The following ZNF30 variants were observed in gnomAD, a reference collection of about 807,000 sequenced individuals.
ZNF30 encodes zinc finger protein 30 (KOX 28).
ZNF30 carries 15 observed loss-of-function variants against 13.2 expected under a neutral mutation model. The observed-to-expected ratio is 1.13, with a 90% CI of 0.76 to 1.75. ZNF30 has a LOEUF of 1.75. ZNF30 is among the 40% of genes most tolerant of loss of function. The pLI, the probability that ZNF30 is intolerant of heterozygous loss-of-function variation, is 0.00. For missense variants in ZNF30, 726 were observed against 757.0 expected (o/e 0.96, Z 0.48); for synonymous variants, 223 against 256.6 (o/e 0.87, Z 1.25).
At chr19:34,925,404 G>A (rs941638165), upstream of ZNF30, among the ~76,000 whole-genome samples, 11 of 152,214 alleles carry the variant, frequency 7.2e-5, no homozygotes, top group Non-Finnish European at 1.5e-4. Context: ...GTTTTCCCCT[G>A]GAATCGGGCT....
chr19:34,943,296 A>G lies in ZNF30; in HGVS notation c.330A>G (p.Leu110=), dbSNP rs556020472. The G allele has an allele frequency of 4.3e-6, 7 of 1,613,898 alleles. 1 individual carries two copies. The South Asian group carries it at 7.7e-5, about 18-fold the overall frequency. ...CTGAAAACTGTCCATCTTTTGCTCTACATCAGAAAATAAGTAGACAGAAAC... is the reference window on the plus strand; with the variant it reads ...CTGAAAACTGTCCATCTTTTGCTCTGCATCAGAAAATAAGTAGACAGAAAC... ...PTSENCPSFA[L]HQKISRQKPR... Residue 110 remains leucine, a synonymous_variant, in exon 5 of 5, where the codon CTA becomes CTG. Coordinates refer to ENST00000601142, the MANE Select transcript of ZNF30 (RefSeq NM_194325.3).
intron 1 of ZNF30, among the ~76,000 whole-genome samples, chr19:34,927,631 T>C (rs2012147194): frequency 6.6e-6 from 1 of 152,070 alleles, no homozygotes; most frequent in Non-Finnish European, 1.5e-5. Flanking sequence ...AATGACAAAA[T>C]TATGTAAGAA....
Position 34,943,224 on chromosome 19 carries a change from T to G in ZNF30, c.258T>G (p.Asp86Glu). 1 of 1,492,092 alleles carries G rather than the reference T, an allele frequency of 6.7e-7. No individual in the cohort carries two copies. Among genetic ancestry groups the G allele is most frequent in the South Asian group, 1.4e-5 (1 of 69,820 alleles). The allele number at this position is 1,492,092 out of a possible 1,614,324, so 92.4% of individuals were successfully genotyped here. ...GATATTTTTAAAATTTTCTTTCAGA[T>G]TTGCAGTTGGAAGATGATACAATCG... ...VRKDGRRWCT[D>E]LQLEDDTIGC... is the part of the protein sequence containing the mutation. The change falls in exon 5 of 5, where the codon GAT becomes GAG. Residue 86 changes from aspartate to glutamate, a missense_variant and splice_region_variant. Physicochemically the swap from Asp to Glu is conservative, Grantham distance 45. Transcript: ENST00000601142.
chr19:34,929,096 C>T (rs1321258871), intron 1 of ZNF30, among the ~76,000 whole-genome samples: 1 of 152,164 alleles, frequency 6.6e-6, no homozygotes, highest in African/African-American at 2.4e-5. Flanking sequence ...TCCTGGCCAA[C>T]ATGGTGAAAT....
chr19:34,936,340 A>C (rs552778369), intron 4 of ZNF30, among the ~76,000 whole-genome samples: 2 of 152,306 alleles, frequency 1.3e-5, no homozygotes, highest in South Asian at 4.1e-4. Flanking sequence ...TAAAACCCAC[A>C]ACATGTTGGT....
intron 4 of ZNF30, among the ~76,000 whole-genome samples, chr19:34,935,280 T>A: frequency 6.6e-6 from 1 of 152,132 alleles, no homozygotes; most frequent in East Asian, 1.9e-4. Context: ...ACGTCAGGCT[T>A]ACAAAAAAGT....
chr19:34,936,015 A>G (rs911460423), intron 4 of ZNF30, among the ~76,000 whole-genome samples: 13 of 152,252 alleles, frequency 8.5e-5, no homozygotes, highest in African/African-American at 2.4e-4. Flanking sequence ...AACAGATCTC[A>G]TGAGACTTAT....
intron 4 of ZNF30, among the ~76,000 whole-genome samples, chr19:34,939,123 TCCCC>T (rs2012892737): frequency 1.2e-5 from 1 of 80,046 alleles, no homozygotes; most frequent in East Asian, 3.3e-4. Flanking sequence ...GTGTCTTGTC[TCCCC>T]TCCCCTCCCC....
intron 1 of ZNF30, among the ~76,000 whole-genome samples, chr19:34,928,375 G>A (rs1208510731): frequency 1.3e-5 from 2 of 151,214 alleles, no homozygotes; most frequent in East Asian, 1.9e-4. Flanking sequence ...CCCCTTAATC[G>A]GCAGTTTCAC....
At chr19:34,937,986 G>A (rs942213969) in intron 4 of ZNF30, among the ~76,000 whole-genome samples, 1 of 152,048 alleles carries the variant, frequency 6.6e-6, no homozygotes, top group East Asian at 1.9e-4. Flanking sequence ...AGTAGAGGTG[G>A]GGTTTCATCA....
intron 4 of ZNF30, among the ~76,000 whole-genome samples, chr19:34,935,369 C>A (rs1301556676): frequency 1.3e-5 from 2 of 152,134 alleles, no homozygotes; most frequent in Non-Finnish European, 2.9e-5. Flanking sequence ...TTCTACCTTC[C>A]CTTAAGGCTT....
rs2013178372 is a variant in ZNF30, at chr19:34,943,799, A to G, written c.833A>G (p.His278Arg). Residue 278 changes from histidine (H) to arginine (R), a missense_variant, in exon 5 of 5, where the codon CAT becomes CGT. Physicochemically the swap from His to Arg is conservative, Grantham distance 29. Coordinates refer to ENST00000601142, the MANE Select transcript of ZNF30 (RefSeq NM_194325.3). ...AGTACCTTTTCATACCTGGTTCAAC[A>G]TCAGCGAATTCATACCAGTGAAAAA... ...AFSTFSYLVQ[H>R]QRIHTSEKPY... 6.2e-7 allele frequency: 1 copy of G among 1,614,062 alleles called. No homozygotes were observed. The highest frequency in any genetic ancestry group is 8.5e-7 in the Non-Finnish European group (1 of 1,179,968).
At chr19:34,930,217 T>G (rs2012375184) in intron 2 of ZNF30, among the ~76,000 whole-genome samples, 1 of 152,188 alleles carries the variant, frequency 6.6e-6, no homozygotes, top group African/African-American at 2.4e-5. Context: ...CAGTGGAGGA[T>G]TGAAGTCCCG....
intron 4 of ZNF30, among the ~76,000 whole-genome samples, chr19:34,941,303 T>C (rs530173467): frequency 4.1e-4 from 63 of 152,326 alleles, no homozygotes; most frequent in Admixed American, 9.1e-4. Flanking sequence ...CTCACTCTGT[T>C]GCCCAGGCTG....
At chr19:34,931,184 C>T (rs1344056247) in intron 2 of ZNF30, among the ~76,000 whole-genome samples, 1 of 151,894 alleles carries the variant, frequency 6.6e-6, no homozygotes. Context: ...ATTACAGGCA[C>T]ATGCCACAAC....
At chr19:34,931,071 T>C (rs1305509339) in intron 2 of ZNF30, among the ~76,000 whole-genome samples, 3 of 146,576 alleles carry the variant, frequency 2.0e-5, no homozygotes, top group Non-Finnish European at 3.0e-5. Flanking sequence ...TGAGTCTCGC[T>C]CTGTCACCCA....
chr19:34,932,965 G>A (rs764027617), intron 3 of ZNF30, among the ~76,000 whole-genome samples: 9 of 151,424 alleles, frequency 5.9e-5, no homozygotes, highest in Non-Finnish European at 1.2e-4. Context: ...ATTTTTGATA[G>A]AAACAGGGTT....
chr19:34,933,836 C>A, intron 4 of ZNF30, 113 bp downstream of exon 4: 1 of 661,722 alleles, frequency 1.5e-6, no homozygotes, highest in South Asian at 2.0e-5. Context: ...GCCCTAGGGC[C>A]TGGGTGGAAA....
At chr19:34,940,465 C>T (rs534003851) in intron 4 of ZNF30, among the ~76,000 whole-genome samples, 11 of 152,086 alleles carry the variant, frequency 7.2e-5, no homozygotes, top group African/African-American at 2.7e-4. Flanking sequence ...GTGAGGAGTT[C>T]GACACCAGCC....
Sources: gnomAD v4.1 joint callset for allele counts (sites outside exome capture counted in the v4.1 genomes callset) on GRCh38, gnomAD v4.1.1 for gene constraint, MANE v1.5 for transcripts, NCBI Gene and HGNC (gene_info 2026-07-23, HGNC 2026-07-21) for gene names.